The following RASSF2 variants were observed in gnomAD, a reference collection of about 807,000 sequenced individuals.
RASSF2 encodes the protein Ras association domain family member 2.
A neutral mutation model predicts 46.3 loss-of-function variants in RASSF2; 34 were observed. The observed-to-expected ratio is 0.73, with a 90% CI of 0.56 to 0.98. The LOEUF (loss-of-function observed/expected upper bound fraction) is 0.98, where lower values mean the gene tolerates loss of function less well. Among genes scored for constraint, RASSF2 ranks in the 50% least tolerant of loss-of-function variants. RASSF2 has a pLI of 0.00. For synonymous variants in RASSF2, 158 were observed against 162.5 expected, an observed-to-expected ratio of 0.97 and a Z score of 0.21; for missense variants, 364 against 431.2, an observed-to-expected ratio of 0.84 and a Z score of 1.38.
At chr20:4,787,879 T>A (rs1353678742) in intron 9 of RASSF2, 125 bp from the exon 10 acceptor site, 1 of 1,229,752 alleles carries the variant, frequency 8.1e-7, no homozygotes, top group East Asian at 2.5e-5. Flanking sequence ...GATTTATAAG[T>A]GAACTATTCC....
chr20:4,792,615 C>A lies in RASSF2; in HGVS notation c.300G>T (p.Lys100Asn), dbSNP rs768359812. Reference protein sequence around the residue: ...CNLGAQGTTLKPLTVPKVQIS... With the variant: ...CNLGAQGTTLNPLTVPKVQIS... ...TCTGAACTTTGGGCACAGTCAGGGG[C>A]TTCAGAGTGGTTCTGGGAGTGGAGA... is the stretch of plus-strand genomic sequence containing the variant. The change falls in exon 6 of 12, where the codon AAG (lysine) becomes AAT (asparagine). Residue 100 changes from lysine (K) to asparagine (N), a missense_variant. Physicochemically the swap from Lys to Asn is moderately conservative, Grantham distance 94. Coordinates refer to ENST00000379400, the MANE Select transcript of RASSF2 (RefSeq NM_014737.3). 1.2e-6 allele frequency: 2 copies of A among 1,613,794 alleles called. No individual in the cohort carries two copies. The highest frequency in any genetic ancestry group is 1.7e-6 in the Non-Finnish European group (2 of 1,179,922).
intron 2 of RASSF2, among the ~76,000 whole-genome samples, chr20:4,820,084 G>A (rs1233240431): frequency 6.6e-6 from 1 of 152,282 alleles, no homozygotes; most frequent in East Asian, 1.9e-4. Flanking sequence ...CTTCCCTGGT[G>A]CCTCCTGCCC....
Position 4,782,074 on chromosome 20 carries a change from C to T in RASSF2, c.*2199G>A, listed in dbSNP as rs1924884231. On this transcript the variant is annotated 3_prime_UTR_variant, in exon 12 of 12. Coordinates refer to ENST00000379400, the MANE Select transcript of RASSF2 (RefSeq NM_014737.3). ...CCTCTCACTTCCACCTCCTGACCTC[C>T]CATCTTTAAAAAGCTGAGTCTGCCT... The T allele has an allele frequency of 6.6e-6, 1 of 152,206 alleles. No homozygotes were observed. Among genetic ancestry groups the T allele is most frequent in the South Asian group, 2.1e-4 (1 of 4,834 alleles). 9.4% of individuals were successfully genotyped at this position (152,206 alleles called of 1,614,324 possible). A position where few individuals can be genotyped will look rare whatever the true frequency, so the allele number is the denominator to read the frequency against.
rs1925696414 is a variant in RASSF2, at chr20:4,789,696, G to A, written c.539C>T (p.Thr180Ile). Residue 180 changes from threonine to isoleucine, a missense_variant and splice_region_variant, in exon 8 of 12, where the codon ACA becomes ATA. Coordinates refer to ENST00000379400, the MANE Select transcript of RASSF2 (RefSeq NM_014737.3). ...GCCATAGGCTGGTGTGAACACGGATGTCTGTCAATAGAAGGGCCCAGCTCA... is the reference window on the plus strand; with the variant it reads ...GCCATAGGCTGGTGTGAACACGGATATCTGTCAATAGAAGGGCCCAGCTCA... ...SINGHFYNHK[T>I]SVFTPAYGSV... 1.2e-6 allele frequency: 2 copies of A among 1,613,710 alleles called. No individual in the cohort carries two copies. The highest frequency in any genetic ancestry group is 1.7e-6 in the Non-Finnish European group (2 of 1,179,784).
chr20:4,789,398 A>C (rs1311182799), intron 8 of RASSF2, among the ~76,000 whole-genome samples, 198 bp downstream of exon 8: 1 of 152,116 alleles, frequency 6.6e-6, no homozygotes, highest in African/African-American at 2.4e-5. Context: ...TGAGAATCTG[A>C]ATTTCTAACA....
Position 4,784,266 on chromosome 20 carries a change from T to C in RASSF2, c.*7A>G. On this transcript the variant is annotated 3_prime_UTR_variant, in exon 12 of 12. Transcript: ENST00000379400. ...CTGGGGTGCCCAGATCCCCTCGTTC[T>C]CATGGCTCAGATTGTTGCTGGGGTC... is the stretch of plus-strand genomic sequence containing the variant. The C allele has an allele frequency of 6.2e-7, 1 of 1,612,588 alleles. No individual in the cohort carries two copies. The highest frequency in any genetic ancestry group is 8.5e-7 in the Non-Finnish European group (1 of 1,178,610).
intron 5 of RASSF2, chr20:4,792,861 A>T: frequency 1.3e-6 from 1 of 749,668 alleles, no homozygotes; most frequent in East Asian, 3.1e-5. Flanking sequence ...TTCCGGAGGG[A>T]GAAGATGTTC....
At position 4,812,063 on chromosome 20, in the gene RASSF2, C is replaced by T. The variant is rs1025881355; in HGVS notation, c.-33+10266G>A. Among the ~76,000 whole-genome samples the T allele has an allele frequency of 1.3e-5, 2 of 152,122 alleles. No individual in the cohort carries two copies. The highest frequency in any genetic ancestry group is 2.9e-5 in the Non-Finnish European group (2 of 68,004). On this transcript the variant is annotated intron_variant, in intron 2 of 11. Transcript: ENST00000379400. The surrounding 1 kb of genome is among the most constrained non-coding windows in gnomAD (Gnocchi z 4.0). ...GCGGTGTGGATGGCAAACAGGAAAC[C>T]CCAGCCCCATTGCACCACACGAGGA...
Position 4,792,789 on chromosome 20 carries a change from C to T in RASSF2, c.288-162G>A, listed in dbSNP as rs374776641. ...TGATGAAGGGTGCAGATGGGCTGCG[C>T]GGAGCATCCCGTGAAAGGCTGGCCC... On this transcript the variant is annotated intron_variant, in intron 5 of 11. Transcript: ENST00000379400. Among the ~76,000 whole-genome samples, 13 of 152,270 alleles carry T rather than the reference C, an allele frequency of 8.5e-5. No homozygotes were observed. In the East Asian group the frequency reaches 1.2e-3, roughly 14 times the overall value.
At chr20:4,818,567 T>A (rs1288129783) in intron 2 of RASSF2, among the ~76,000 whole-genome samples, 1 of 152,152 alleles carries the variant, frequency 6.6e-6, no homozygotes, top group Non-Finnish European at 1.5e-5. Flanking sequence ...TAGAGTGAAG[T>A]CAGCCATAGT....
chr20:4,822,144 A>G (rs8119025), intron 2 of RASSF2, among the ~76,000 whole-genome samples, 185 bp downstream of exon 2: 1 of 152,230 alleles, frequency 6.6e-6, no homozygotes, highest in African/African-American at 2.4e-5. Context: ...TTCCTCATCC[A>G]GATGTTCCTG....
chr20:4,818,845 T>C (rs930935408), intron 2 of RASSF2, among the ~76,000 whole-genome samples: 1 of 152,264 alleles, frequency 6.6e-6, no homozygotes, highest in Non-Finnish European at 1.5e-5. Context: ...GTTTTCTACA[T>C]GCTTGCTATG....
At chr20:4,784,865 G>A (rs766994548) in intron 11 of RASSF2, among the ~76,000 whole-genome samples, 51 of 152,194 alleles carry the variant, frequency 3.4e-4, no homozygotes, top group South Asian at 6.2e-4. Context: ...AGGCGTGGAG[G>A]TCCGTGGCTT....
chr20:4,790,236 G>GGAAC lies in RASSF2; in HGVS notation c.537+211_537+214dup. ...ACTGAATTCACCCACCACCTTAAGG[G>GGAAC]GAACCCACAGGGGGACTTTGAGGCT... On this transcript the variant is annotated intron_variant, in intron 7 of 11. Transcript: ENST00000379400. This position sits in a 1 kb window ranked among gnomAD's most constrained non-coding sequence, Gnocchi z 4.3. Among the ~76,000 whole-genome samples, 3 of 152,306 alleles carry GGAAC rather than the reference G, an allele frequency of 2.0e-5. No homozygotes were observed. In the Middle Eastern group the frequency reaches 0.01, roughly 518 times the overall value.
At chr20:4,818,306 A>G (rs1169235126) in intron 2 of RASSF2, among the ~76,000 whole-genome samples, 9 of 151,868 alleles carry the variant, frequency 5.9e-5, no homozygotes, top group South Asian at 2.1e-4. Context: ...CACTAAATGC[A>G]CCCCAGAAGT....
At chr20:4,789,780 G>A in intron 7 of RASSF2, 83 bp from the exon 8 acceptor site, 1 of 1,182,098 alleles carries the variant, frequency 8.5e-7, no homozygotes, top group Admixed American at 1.9e-5. Flanking sequence ...AGGGCACAGT[G>A]ACAACGATAC....
At chr20:4,801,321 C>T (rs563596424) in intron 2 of RASSF2, among the ~76,000 whole-genome samples, 6 of 152,184 alleles carry the variant, frequency 3.9e-5, no homozygotes, top group Non-Finnish European at 8.8e-5. Flanking sequence ...ATGCCCCAGC[C>T]ACAGAGCACA....
intron 11 of RASSF2, among the ~76,000 whole-genome samples, chr20:4,785,155 CAAAAAAAAAAAA>C (rs11454727): frequency 1.1e-5 from 1 of 92,572 alleles, no homozygotes; most frequent in Non-Finnish European, 2.1e-5. Context: ...ACTAAAAATA[CAAAAAAAAAAAA>C]AAAAAAAGAA....
chr20:4,815,493 C>A (rs1928230842), intron 2 of RASSF2, among the ~76,000 whole-genome samples: 2 of 152,202 alleles, frequency 1.3e-5, no homozygotes, highest in South Asian at 4.1e-4. Flanking sequence ...CAACAACCAG[C>A]CCTACAGCCA....
Sources: gnomAD v4.1 joint callset for allele counts (sites outside exome capture counted in the v4.1 genomes callset) on GRCh38, gnomAD v4.1.1 for gene constraint, Gnocchi (gnomAD v3.1) non-coding constraint, MANE v1.5 for transcripts, NCBI Gene and HGNC (gene_info 2026-07-23, HGNC 2026-07-21) for gene names.